Variants in TICAM1 observed in about 807,000 individuals in gnomAD.
TICAM1 encodes TIR domain-containing adapter molecule 1.
For missense variants in TICAM1, 895 were observed against 938.2 expected, an observed-to-expected ratio of 0.95 and a Z score of 0.60; for synonymous variants, 439 against 415.4, an observed-to-expected ratio of 1.06 and a Z score of -0.69.
rs759303487 is a variant in TICAM1 at position 4,817,282 on chromosome 19, G to A, written c.1096C>T (p.Pro366Ser). 2 of 1,611,140 alleles carry A rather than the reference G, an allele frequency of 1.2e-6. No homozygotes were observed. Among genetic ancestry groups the A allele is most frequent in the East Asian group, 2.2e-5 (1 of 44,610 alleles). ...PETSPPPPPP[P>S]PSSTPCSAHL... ...GCTGAACAAGGAGTAGATGAAGGAG[G>A]AGGAGGAGGAGGAGGAGGGGATGTT... is the stretch of plus-strand genomic sequence containing the variant. Residue 366 changes from proline (P) to serine (S), a missense_variant, in exon 2 of 2, where the codon CCT becomes TCT. Physicochemically the swap from Pro to Ser is moderately conservative, Grantham distance 74. Transcript: ENST00000248244. The surrounding 1 kb of genome is among the most constrained non-coding windows in gnomAD (Gnocchi z 4.7).
Position 4,816,098 on chromosome 19 carries a change from C to A in TICAM1, c.*141G>T, listed in dbSNP as rs2093584224. The A allele has an allele frequency of 7.9e-7, 1 of 1,273,334 alleles. No individual in the cohort carries two copies. Among genetic ancestry groups the A allele is most frequent in the Non-Finnish European group, 1.0e-6 (1 of 1,003,892 alleles). 78.9% of individuals were successfully genotyped at this position (1,273,334 alleles called of 1,614,324 possible). ...CCCGTTTTGTCCTAAATGAAGGGCT[C>A]CCGGACAATGTCCTGAAAGTGGCAG... is the stretch of plus-strand genomic sequence containing the variant. On this transcript the variant is annotated 3_prime_UTR_variant, in exon 2 of 2. Transcript: ENST00000248244. The surrounding 1 kb of genome is among the most constrained non-coding windows in gnomAD (Gnocchi z 4.3).
Position 4,816,098 on chromosome 19 carries a change from C to G in TICAM1, c.*141G>C. On this transcript the variant is annotated 3_prime_UTR_variant, in exon 2 of 2. Transcript: ENST00000248244. The surrounding 1 kb of genome is among the most constrained non-coding windows in gnomAD (Gnocchi z 4.3). ...CCCGTTTTGTCCTAAATGAAGGGCT[C>G]CCGGACAATGTCCTGAAAGTGGCAG... 7.9e-7 allele frequency: 1 copy of G among 1,273,452 alleles called. No individual in the cohort carries two copies. The highest frequency in any genetic ancestry group is 1.0e-6 in the Non-Finnish European group (1 of 1,003,884). 78.9% of individuals were successfully genotyped at this position (1,273,452 alleles called of 1,614,324 possible).
At chr19:4,829,920 C>A (rs1385768449) in intron 1 of TICAM1, among the ~76,000 whole-genome samples, 1 of 149,090 alleles carries the variant, frequency 6.7e-6, no homozygotes, top group East Asian at 2.0e-4. Context: ...AAGTGATTCT[C>A]CTGCCTCATC....
rs796260133 is a variant in TICAM1 at position 4,823,464 on chromosome 19, TAAAAAAAA to T, written c.-139-4956_-139-4949del. Among the ~76,000 whole-genome samples, 3 of 93,768 alleles carry T rather than the reference TAAAAAAAA, an allele frequency of 3.2e-5. No individual in the cohort carries two copies. The Admixed American group carries it at 3.6e-4, about 11-fold the overall frequency. The allele number at this position is 93,768 out of a possible 152,430, so 61.5% of individuals were successfully genotyped here. ...TGGGTGACAGAGCAAGACTCTGTCT[TAAAAAAAA>T]AAAAAAAAAAAAATTAGCCAGGCAT... is the stretch of plus-strand genomic sequence containing the variant. On this transcript the variant is annotated intron_variant, in intron 1 of 1. Transcript: ENST00000248244.
chr19:4,831,662 G>A lies in TICAM1; in HGVS notation c.-188C>T, dbSNP rs1305030837. The A allele has an allele frequency of 6.6e-6, 1 of 152,504 alleles. No individual in the cohort carries two copies. The highest frequency in any genetic ancestry group is 2.4e-5 in the African/African-American group (1 of 41,456). 9.4% of individuals were successfully genotyped at this position (152,504 alleles called of 1,614,324 possible). A position where few individuals can be genotyped will look rare whatever the true frequency, so the allele number is the denominator to read the frequency against. ...CGCCACTGGGTCCTGGGGTCCTGGG[G>A]GCTGGGGCTTCTGCGGAGTTGCCCG... On this transcript the variant is annotated 5_prime_UTR_variant, in exon 1 of 2. Coordinates refer to ENST00000248244, the MANE Select transcript of TICAM1 (RefSeq NM_182919.4).
In TICAM1 at chr19:4,818,335, G is replaced by C. The variant is rs371293615; in HGVS notation, c.43C>G (p.Leu15Val). Residue 15 changes from leucine (L) to valine (V), a missense_variant, in exon 2 of 2, where the codon CTA becomes GTA. By Grantham distance (32) the Leu-to-Val change is conservative. Transcript: ENST00000248244. The surrounding 1 kb of genome is among the most constrained non-coding windows in gnomAD (Gnocchi z 4.0). ...GPSLPSAFDI[L>V]GAAGQDKLLY... Reference sequence around the variant, plus strand: ...AGCTTGTCCTGGCCTGCTGCACCTAGAATGTCGAAGGCGCTAGGAAGTGAT... The same window carrying C: ...AGCTTGTCCTGGCCTGCTGCACCTACAATGTCGAAGGCGCTAGGAAGTGAT... The C allele has an allele frequency of 3.1e-6, 5 of 1,611,662 alleles. No individual in the cohort carries two copies. The highest frequency in any genetic ancestry group is 4.2e-6 in the Non-Finnish European group (5 of 1,179,440).
chr19:4,827,280 G>C (rs1205961011), intron 1 of TICAM1, among the ~76,000 whole-genome samples: 1 of 149,162 alleles, frequency 6.7e-6, no homozygotes, highest in Non-Finnish European at 1.5e-5. Context: ...GAACCCGGGA[G>C]GTGGAGGTTG....
At chr19:4,825,172 T>C in intron 1 of TICAM1, among the ~76,000 whole-genome samples, 1 of 150,276 alleles carries the variant, frequency 6.7e-6, no homozygotes, top group Admixed American at 6.7e-5. Context: ...CCCAGCTGCT[T>C]GGGAGGCTGA....
chr19:4,821,325 G>C (rs1028695332), intron 1 of TICAM1, among the ~76,000 whole-genome samples: 4 of 152,114 alleles, frequency 2.6e-5, no homozygotes, highest in Admixed American at 6.6e-5. Flanking sequence ...TGGTATGTTA[G>C]TTATATGTAA....
chr19:4,818,880 C>T lies in TICAM1; in HGVS notation c.-139-364G>A, dbSNP rs148607824. Among the ~76,000 whole-genome samples, 42 of 152,154 alleles carry T rather than the reference C, an allele frequency of 2.8e-4. 1 individual carries two copies. Among genetic ancestry groups the T allele is most frequent in the African/African-American group, 9.4e-4 (39 of 41,528 alleles). ...ATCCCAGCAGTTGTGGAGGCCGAGG[C>T]GGGGGGATCACCTGAGGTCAGGAGT... On this transcript the variant is annotated intron_variant, in intron 1 of 1. Coordinates refer to ENST00000248244, the MANE Select transcript of TICAM1 (RefSeq NM_182919.4). This position sits in a 1 kb window ranked among gnomAD's most constrained non-coding sequence, Gnocchi z 4.0.
Position 4,817,609 on chromosome 19 carries a change from G to T in TICAM1, c.769C>A (p.Pro257Thr). 1 of 1,600,142 alleles carries T rather than the reference G, an allele frequency of 6.2e-7. No individual in the cohort carries two copies. Residue 257 changes from proline to threonine, a missense_variant, in exon 2 of 2, where the codon CCA becomes ACA. By Grantham distance (38) the Pro-to-Thr change is conservative. Coordinates refer to ENST00000248244, the MANE Select transcript of TICAM1 (RefSeq NM_182919.4). The surrounding 1 kb of genome is among the most constrained non-coding windows in gnomAD (Gnocchi z 4.7). The stretch of plus-strand genomic sequence containing the variant: ...GGTGGGCTGGCAATCTCCCCCGATG[G>T]CGGCCAGCTCATCTCCTCAGGCTCC... ...CQEPEEMSWP[P>T]SGEIASPPEL...
At position 4,816,871 on chromosome 19, in the gene TICAM1, T is replaced by C; in HGVS notation, c.1507A>G (p.Thr503Ala). The C allele has an allele frequency of 1.2e-6, 2 of 1,612,678 alleles. No homozygotes were observed. Among genetic ancestry groups the C allele is most frequent in the Middle Eastern group, 1.6e-4 (1 of 6,062 alleles). The stretch of plus-strand genomic sequence containing the variant: ...ACCAGCCCGGAGAGCAGGCTGGCCG[T>C]GTCGGAGCTGAGCTGGGCCGGGGAG... ...ESSPAQLSSD[T>A]ASLLSGLVRL... The change falls in exon 2 of 2, where the codon ACG becomes GCG. Residue 503 changes from threonine (T) to alanine (A), a missense_variant. Coordinates refer to ENST00000248244, the MANE Select transcript of TICAM1 (RefSeq NM_182919.4). The surrounding 1 kb of genome is among the most constrained non-coding windows in gnomAD (Gnocchi z 4.3).
rs374044969 is a variant in TICAM1 at position 4,816,956 on chromosome 19, C to T, written c.1422G>A (p.Met474Ile). The part of the protein sequence containing the change: ...LSLHQVNQAM[M>I]SNLTRQGSPD... The stretch of plus-strand genomic sequence containing the variant: ...GCGACCCCTGTCGCGTGAGGTTGCT[C>T]ATCATGGCTTGGTTCACCTGGTGCA... The change falls in exon 2 of 2, where the codon ATG becomes ATA. Residue 474 changes from methionine (M) to isoleucine (I), a missense_variant. By Grantham distance (10) the Met-to-Ile change is conservative (BLOSUM62 1). Coordinates refer to ENST00000248244, the MANE Select transcript of TICAM1 (RefSeq NM_182919.4). The surrounding 1 kb of genome is among the most constrained non-coding windows in gnomAD (Gnocchi z 4.3). 2.5e-5 allele frequency: 40 copies of T among 1,613,926 alleles called. No homozygotes were observed. Among genetic ancestry groups the T allele is most frequent in the Non-Finnish European group, 3.3e-5 (39 of 1,180,046 alleles).
At chr19:4,829,399 C>T (rs562956603) in intron 1 of TICAM1, among the ~76,000 whole-genome samples, 1 of 151,836 alleles carries the variant, frequency 6.6e-6, no homozygotes, top group South Asian at 2.1e-4. Context: ...GCTTCCCCCG[C>T]CCGCCTCCCC....
intron 1 of TICAM1, among the ~76,000 whole-genome samples, chr19:4,829,533 G>A (rs1329523659): frequency 6.6e-6 from 1 of 152,038 alleles, no homozygotes; most frequent in African/African-American, 2.4e-5. Context: ...ACACCCATGG[G>A]GTAGGAGGGT....
chr19:4,827,121 C>A (rs1056297539), intron 1 of TICAM1, among the ~76,000 whole-genome samples: 1 of 151,324 alleles, frequency 6.6e-6, no homozygotes, highest in African/African-American at 2.4e-5. Flanking sequence ...GAGGCCGAGG[C>A]GGGTGGATTG....
rs1382113627 is a variant in TICAM1 at position 4,817,559 on chromosome 19, A to G, written c.819T>C (p.Pro273=). ...SPPELPSSPP[P]GLPEVAPDAT... ...CATCTGGGGCCACTTCGGGAAGCCC[A>G]GGAGGTGGGCTGCTTGGCAGCTCTG... Residue 273 remains proline (P), a synonymous_variant, in exon 2 of 2, where the codon CCT becomes CCC. Transcript: ENST00000248244. This position sits in a 1 kb window ranked among gnomAD's most constrained non-coding sequence, Gnocchi z 4.7. 3 of 1,612,888 alleles carry G rather than the reference A, an allele frequency of 1.9e-6. No individual in the cohort carries two copies. Among genetic ancestry groups the G allele is most frequent in the Middle Eastern group, 1.7e-4 (1 of 5,896 alleles).
chr19:4,829,591 G>C (rs570989710), intron 1 of TICAM1, among the ~76,000 whole-genome samples: 74 of 152,214 alleles, frequency 4.9e-4, no homozygotes, highest in African/African-American at 1.8e-3. Context: ...CTCAGCCTCA[G>C]CTTCCTCATT....
At position 4,816,749 on chromosome 19, in the gene TICAM1, T is replaced by C. The variant is rs1568365021; in HGVS notation, c.1629A>G (p.Glu543=). ...LQARKAMWRK[E]QDTRALREQS... Reference sequence around the variant, plus strand: ...GTTCCCGCAGGGCTCGGGTGTCCTGTTCCTTCCTCCACATGGCCTTTCGGG... The same window carrying C: ...GTTCCCGCAGGGCTCGGGTGTCCTGCTCCTTCCTCCACATGGCCTTTCGGG... Residue 543 remains glutamate, a synonymous_variant, in exon 2 of 2, where the codon GAA becomes GAG. Coordinates refer to ENST00000248244, the MANE Select transcript of TICAM1 (RefSeq NM_182919.4). The surrounding 1 kb of genome is among the most constrained non-coding windows in gnomAD (Gnocchi z 4.3). 1 of 1,613,866 alleles carries C rather than the reference T, an allele frequency of 6.2e-7. No individual in the cohort carries two copies. The highest frequency in any genetic ancestry group is 1.7e-5 in the Admixed American group (1 of 60,020).
Sources: gnomAD v4.1 joint callset for allele counts (sites outside exome capture counted in the v4.1 genomes callset) on GRCh38, gnomAD v4.1.1 for gene constraint, Gnocchi (gnomAD v3.1) non-coding constraint, MANE v1.5 for transcripts, NCBI Gene and HGNC (gene_info 2026-07-23, HGNC 2026-07-21) for gene names.